Variants in SYT2 observed in about 807,000 individuals in gnomAD.
SYT2 encodes the protein synaptotagmin-2.
SYT2 carries 15 observed loss-of-function variants against 39.9 expected under a neutral mutation model. That is an observed-to-expected ratio of 0.38 (90% CI 0.25 to 0.58). The LOEUF (loss-of-function observed/expected upper bound fraction) is 0.58. Among genes scored for constraint, SYT2 ranks in the 20% least tolerant of loss-of-function variants. SYT2 has a pLI of 0.70. For synonymous variants in SYT2, 181 were observed against 204.5 expected (o/e 0.89, Z 0.98); for missense variants, 389 against 530.3 (o/e 0.73, Z 2.62).
At chr1:202,679,852 C>T (rs1359397011) in intron 1 of SYT2, among the ~76,000 whole-genome samples, 2 of 152,244 alleles carry the variant, frequency 1.3e-5, no homozygotes, top group East Asian at 1.9e-4. Flanking sequence ...CAGGCCCTCA[C>T]TCAGATTCCA....
At chr1:202,672,466 G>A (rs1692611560) in intron 1 of SYT2, among the ~76,000 whole-genome samples, 1 of 152,052 alleles carries the variant, frequency 6.6e-6, no homozygotes, top group Non-Finnish European at 1.5e-5. Context: ...GGAACTGTGA[G>A]AAATAAAGGT....
At chr1:202,610,174 T>G (rs983828171) in intron 1 of SYT2, among the ~76,000 whole-genome samples, 1 of 152,216 alleles carries the variant, frequency 6.6e-6, no homozygotes, top group African/African-American at 2.4e-5. Context: ...TTTTGTCAGG[T>G]TTGTCAAAGA....
At chr1:202,671,211 A>G (rs1200312691) in intron 1 of SYT2, among the ~76,000 whole-genome samples, 1 of 152,220 alleles carries the variant, frequency 6.6e-6, no homozygotes, top group Non-Finnish European at 1.5e-5. Flanking sequence ...CTCAAAGAGG[A>G]CTGGGGAAAG....
chr1:202,667,444 AGAC>A (rs1316288508), intron 1 of SYT2, among the ~76,000 whole-genome samples: 1 of 151,690 alleles, frequency 6.6e-6, no homozygotes, highest in African/African-American at 2.4e-5. Flanking sequence ...AAGGATCTAA[AGAC>A]AACAGGCAAG....
At chr1:202,606,379 A>G (rs1301760333) in intron 1 of SYT2, among the ~76,000 whole-genome samples, 1 of 152,134 alleles carries the variant, frequency 6.6e-6, no homozygotes, top group African/African-American at 2.4e-5. Context: ...GAAGGAGACA[A>G]GGTTTTACAC....
intron 1 of SYT2, among the ~76,000 whole-genome samples, chr1:202,625,924 G>A (rs1691391228): frequency 6.6e-6 from 1 of 152,216 alleles, no homozygotes; most frequent in Non-Finnish European, 1.5e-5. Flanking sequence ...AGCAGAGAAT[G>A]CCAGAAAGGC....
In SYT2 at chr1:202,604,481, T is replaced by C; in HGVS notation, c.319A>G (p.Asn107Asp). The stretch of plus-strand genomic sequence containing the variant: ...TGACCCCCTTTCATGTCCTTCATGT[T>C]CATGGCATTCTTCATGCCTTTGCCC... ...EKGKGMKNAM[N>D]MKDMKGGQDD... Residue 107 changes from asparagine (N) to aspartate (D), a missense_variant, in exon 3 of 9, where the codon AAC becomes GAC. Around this residue, in one of 4 missense-constraint regions of SYT2, gnomAD observed 280 missense variants for 335.6 expected, o/e 0.83. Coordinates refer to ENST00000367268, the MANE Select transcript of SYT2 (RefSeq NM_177402.5). 6.2e-7 allele frequency: 1 copy of C among 1,614,250 alleles called. No homozygotes were observed. Among genetic ancestry groups the C allele is most frequent in the Non-Finnish European group, 8.5e-7 (1 of 1,180,042 alleles).
intron 1 of SYT2, among the ~76,000 whole-genome samples, chr1:202,692,168 A>T (rs931948724): frequency 6.6e-6 from 1 of 152,052 alleles, no homozygotes; most frequent in Non-Finnish European, 1.5e-5. Context: ...CAGATCTGGT[A>T]CCCTGCTCTG....
At chr1:202,638,336 A>AG (rs1473477734) in intron 1 of SYT2, among the ~76,000 whole-genome samples, 6 of 152,182 alleles carry the variant, frequency 3.9e-5, no homozygotes, top group Non-Finnish European at 5.9e-5. Context: ...AAACAAAGGA[A>AG]GAAAAAAAAA....
chr1:202,650,924 C>A (rs1028406496), intron 1 of SYT2, among the ~76,000 whole-genome samples: 6 of 151,280 alleles, frequency 4.0e-5, no homozygotes, highest in African/African-American at 1.5e-4. Context: ...AGTGCTCCAG[C>A]GTGGAAGAAG....
chr1:202,627,516 C>T (rs756305502), intron 1 of SYT2: 134 of 985,180 alleles, frequency 1.4e-4, no homozygotes, highest in Non-Finnish European at 1.6e-4. Flanking sequence ...GGGGTGTGGA[C>T]GGGCAGGCGC....
At chr1:202,692,691 T>A (rs1464482495) in intron 1 of SYT2, among the ~76,000 whole-genome samples, 1 of 152,196 alleles carries the variant, frequency 6.6e-6, no homozygotes, top group African/African-American at 2.4e-5. Flanking sequence ...TTGGCTAAGA[T>A]GTTACAGTCA....
chr1:202,684,029 T>C (rs1653595349), intron 1 of SYT2, among the ~76,000 whole-genome samples: 1 of 151,990 alleles, frequency 6.6e-6, no homozygotes, highest in Admixed American at 6.6e-5. Context: ...ATAATACATA[T>C]TTTACTGAAA....
At chr1:202,647,007 C>T (rs1692098579) in intron 1 of SYT2, among the ~76,000 whole-genome samples, 1 of 152,226 alleles carries the variant, frequency 6.6e-6, no homozygotes, top group Non-Finnish European at 1.5e-5. Flanking sequence ...TGCACTGTCC[C>T]TGCGTTGGCC....
chr1:202,648,267 G>A (rs554551584), intron 1 of SYT2, among the ~76,000 whole-genome samples: 11 of 149,780 alleles, frequency 7.3e-5, no homozygotes, highest in East Asian at 4.0e-4. Flanking sequence ...CGCAACCTCC[G>A]CCTCCCAGGT....
At chr1:202,674,258 C>T (rs1558457478) in intron 1 of SYT2, among the ~76,000 whole-genome samples, 4 of 152,086 alleles carry the variant, frequency 2.6e-5, no homozygotes, top group South Asian at 2.1e-4. Context: ...TGTACCACCA[C>T]GTGCAGCTAA....
chr1:202,634,730 A>G (rs558876675), intron 1 of SYT2, among the ~76,000 whole-genome samples: 1 of 152,356 alleles, frequency 6.6e-6, no homozygotes, highest in South Asian at 2.1e-4. Flanking sequence ...TACATGCTTC[A>G]ATGTGGCTAA....
chr1:202,708,733 A>G (rs1343743321), intron 1 of SYT2, among the ~76,000 whole-genome samples: 1 of 152,106 alleles, frequency 6.6e-6, no homozygotes, highest in Non-Finnish European at 1.5e-5. Context: ...CAGGACCAGG[A>G]TGCCAGGCAC....
intron 1 of SYT2, among the ~76,000 whole-genome samples, chr1:202,612,104 C>T (rs1690897776): frequency 6.6e-6 from 1 of 152,134 alleles, no homozygotes; most frequent in Non-Finnish European, 1.5e-5. Flanking sequence ...CACATTCATT[C>T]GTTTGTATGT....
Sources: gnomAD v4.1 joint callset for allele counts (sites outside exome capture counted in the v4.1 genomes callset) on GRCh38, gnomAD v4.1.1 for gene constraint, gnomAD v4.1.1 regional missense constraint, MANE v1.5 for transcripts, NCBI Gene and HGNC (gene_info 2026-07-23, HGNC 2026-07-21) for gene names.